PAK5: variants seen among roughly 807,000 people sequenced by gnomAD.
PAK5 encodes the protein serine/threonine-protein kinase PAK 5.
Under a neutral mutation model 65.9 loss-of-function variants are expected in PAK5, and 16 were observed. That is an observed-to-expected ratio of 0.24 (90% CI 0.16 to 0.37). The LOEUF (loss-of-function observed/expected upper bound fraction) is 0.37. Among genes scored for constraint, PAK5 ranks in the 10% least tolerant of loss-of-function variants. The pLI is 1.00. For missense variants in PAK5, 785 were observed against 903.9 expected (o/e 0.87, Z 1.69); for synonymous variants, 371 against 354.9 (o/e 1.05, Z -0.51).
intron 1 of PAK5, among the ~76,000 whole-genome samples, chr20:9,733,636 G>A (rs1367269664): frequency 6.6e-6 from 1 of 152,052 alleles, no homozygotes; most frequent in African/African-American, 2.4e-5. Context: ...GTAGAGACTG[G>A]GTTTCACCAT....
chr20:9,608,986 C>T (rs1362847794), intron 3 of PAK5, among the ~76,000 whole-genome samples: 3 of 152,184 alleles, frequency 2.0e-5, no homozygotes, highest in Non-Finnish European at 4.4e-5. Flanking sequence ...CTGCAGATTT[C>T]GTGAATTAGT....
chr20:9,659,141 G>A (rs1490947014), intron 2 of PAK5, among the ~76,000 whole-genome samples: 1 of 152,130 alleles, frequency 6.6e-6, no homozygotes, highest in African/African-American at 2.4e-5. Flanking sequence ...GTGGGTGTGT[G>A]TGCATGTGTA....
At chr20:9,616,492 T>A (rs1209407839) in intron 3 of PAK5, among the ~76,000 whole-genome samples, 1 of 152,248 alleles carries the variant, frequency 6.6e-6, no homozygotes, top group Non-Finnish European at 1.5e-5. Context: ...CTTTGTGTTC[T>A]CTATGGTAGG....
intron 7 of PAK5, among the ~76,000 whole-genome samples, chr20:9,551,254 G>C (rs904855351): frequency 1.3e-5 from 2 of 152,192 alleles, no homozygotes; most frequent in Admixed American, 1.3e-4. Flanking sequence ...TAGACGCTAA[G>C]CTGAGCCTTA....
At chr20:9,641,710 G>C (rs1273522968) in intron 3 of PAK5, among the ~76,000 whole-genome samples, 1 of 152,088 alleles carries the variant, frequency 6.6e-6, no homozygotes, top group African/African-American at 2.4e-5. Flanking sequence ...GGCATGGCGG[G>C]CTGCAGGTCC....
At chr20:9,770,771 G>A (rs1412588780) in intron 1 of PAK5, among the ~76,000 whole-genome samples, 2 of 152,276 alleles carry the variant, frequency 1.3e-5, no homozygotes, top group East Asian at 3.9e-4. Flanking sequence ...TCAGGTCACA[G>A]TGGGGTTGAA....
intron 1 of PAK5, among the ~76,000 whole-genome samples, chr20:9,735,165 C>A (rs189222270): frequency 3.9e-5 from 6 of 151,988 alleles, no homozygotes; most frequent in African/African-American, 1.4e-4. Flanking sequence ...GGAGGGGGAA[C>A]CCAGGAAAAG....
intron 1 of PAK5, among the ~76,000 whole-genome samples, chr20:9,766,397 T>A (rs2048763420): frequency 1.2e-5 from 1 of 84,024 alleles, no homozygotes; most frequent in East Asian, 3.7e-4. Flanking sequence ...TGTATATATA[T>A]ATTCAAGCAG....
intron 1 of PAK5, among the ~76,000 whole-genome samples, chr20:9,735,577 C>A (rs965847933): frequency 6.6e-6 from 1 of 152,066 alleles, no homozygotes; most frequent in African/African-American, 2.4e-5. Flanking sequence ...GGAATAATTA[C>A]CCCAGATTGA....
intron 1 of PAK5, among the ~76,000 whole-genome samples, chr20:9,771,760 A>C (rs6056855): frequency 0.77 from 117,412 of 151,886 alleles, 45,421 homozygotes; most frequent in East Asian, 0.87. Flanking sequence ...TATTGCCATC[A>C]AGGAACAGTG....
chr20:9,548,892 C>G lies in PAK5; in HGVS notation c.1744-4398G>C, dbSNP rs539159915. Among the ~76,000 whole-genome samples the G allele has an allele frequency of 2.0e-5, 3 of 152,154 alleles. No individual in the cohort carries two copies. The South Asian group carries it at 6.2e-4, about 32-fold the overall frequency. On this transcript the variant is annotated intron_variant, in intron 7 of 9. Coordinates refer to ENST00000353224, the MANE Select transcript of PAK5 (RefSeq NM_177990.4). ...TTGGCTTAAGGCCAGTGATTTGGAC[C>G]AGTGGTGGTACGATTTGAATTGGAA...
intron 1 of PAK5, among the ~76,000 whole-genome samples, chr20:9,792,800 G>A (rs555989585): frequency 5.3e-5 from 8 of 152,214 alleles, no homozygotes; most frequent in Non-Finnish European, 1.0e-4. Context: ...TAGGTTACAG[G>A]AGATATATTT....
intron 3 of PAK5, among the ~76,000 whole-genome samples, chr20:9,607,939 A>T (rs537042012): frequency 1.3e-5 from 2 of 152,354 alleles, no homozygotes; most frequent in Non-Finnish European, 2.9e-5. Context: ...AGTGGCTTTT[A>T]AACAATAGAA....
intron 3 of PAK5, among the ~76,000 whole-genome samples, chr20:9,609,667 A>G (rs2046522061): frequency 2.0e-5 from 3 of 152,236 alleles, no homozygotes. Flanking sequence ...GGCACTGGCC[A>G]TACTATCCTG....
At chr20:9,569,217 A>G (rs1166145458) in intron 4 of PAK5, among the ~76,000 whole-genome samples, 1 of 152,226 alleles carries the variant, frequency 6.6e-6, no homozygotes, top group Non-Finnish European at 1.5e-5. Context: ...ATGCAGCAAT[A>G]TTGATAGCTA....
At chr20:9,697,136 A>C (rs770966039) in intron 2 of PAK5, among the ~76,000 whole-genome samples, 1 of 152,068 alleles carries the variant, frequency 6.6e-6, no homozygotes, top group African/African-American at 2.4e-5. Flanking sequence ...CTTGCCATCT[A>C]AACATTCATT....
chr20:9,663,693 G>T (rs943251472), intron 2 of PAK5, among the ~76,000 whole-genome samples: 1 of 152,116 alleles, frequency 6.6e-6, no homozygotes, highest in African/African-American at 2.4e-5. Flanking sequence ...TATCCAGCAG[G>T]CTTTTTCTGA....
At chr20:9,650,953 G>T (rs1048449191) in intron 2 of PAK5, among the ~76,000 whole-genome samples, 1 of 152,120 alleles carries the variant, frequency 6.6e-6, no homozygotes, top group African/African-American at 2.4e-5. Context: ...AAAGCTTGAG[G>T]TGTTCAAAAA....
rs75642031 is a variant in PAK5, at chr20:9,732,812, G to A, written c.-161-21377C>T. The stretch of plus-strand genomic sequence containing the variant: ...CCCCAAAATAGTAAGACCTCTGTCT[G>A]GACATGCTTTCTTCCAGTTAGCTCT... On this transcript the variant is annotated intron_variant, in intron 1 of 9. Transcript: ENST00000353224. Among the ~76,000 whole-genome samples, 1,131 of 152,268 alleles carry A rather than the reference G, an allele frequency of 7.4e-3. 12 individuals are homozygous for A. Among genetic ancestry groups the A allele is most frequent in the African/African-American group, 0.026 (1,087 of 41,560 alleles).
Sources: gnomAD v4.1 joint callset for allele counts (sites outside exome capture counted in the v4.1 genomes callset) on GRCh38, gnomAD v4.1.1 for gene constraint, MANE v1.5 for transcripts, NCBI Gene and HGNC (gene_info 2026-07-23, HGNC 2026-07-21) for gene names.